ESRRB: variants seen among roughly 807,000 people sequenced by gnomAD.
ESRRB encodes the protein steroid hormone receptor ERR2.
A neutral mutation model predicts 46.0 loss-of-function variants in ESRRB; 16 were observed. The ratio of observed to expected loss-of-function variants is 0.35; its 90% confidence interval spans 0.24 to 0.53. ESRRB has a LOEUF of 0.53. Ranked by LOEUF, ESRRB falls within the 20% of genes least tolerant of loss-of-function variation. The pLI is 0.93. For synonymous variants in ESRRB, 246 were observed against 259.6 expected, an observed-to-expected ratio of 0.95 and a Z score of 0.50; for missense variants, 488 against 607.4, an observed-to-expected ratio of 0.80 and a Z score of 2.07.
At chr14:76,370,366 C>A (rs985552001), upstream of ESRRB, among the ~76,000 whole-genome samples, 13 of 151,944 alleles carry the variant, frequency 8.6e-5, no homozygotes, top group African/African-American at 3.1e-4. Context: ...CCATTGTACT[C>A]CAGTCTGGGC....
intron 1 of ESRRB, among the ~76,000 whole-genome samples, chr14:76,332,579 TA>T (rs374393349): frequency 0.026 from 790 of 30,852 alleles, 50 homozygotes; most frequent in Middle Eastern, 0.094. Context: ...ATTTATATAT[TA>T]TATATTTATA....
intron 2 of ESRRB, among the ~76,000 whole-genome samples, chr14:76,460,249 G>C (rs1332993823): frequency 6.6e-6 from 1 of 152,198 alleles, no homozygotes; most frequent in African/African-American, 2.4e-5. Flanking sequence ...TCAGCACCAG[G>C]CACCTGTCCT....
At chr14:76,326,714 G>A (rs1187428237) in intron 1 of ESRRB, among the ~76,000 whole-genome samples, 10 of 152,210 alleles carry the variant, frequency 6.6e-5, no homozygotes, top group African/African-American at 2.2e-4. Context: ...TTTGGAAGAC[G>A]TTGGGGCTGC....
At chr14:76,365,416 C>G (rs1436543449) in intron 1 of ESRRB, among the ~76,000 whole-genome samples, 1 of 152,214 alleles carries the variant, frequency 6.6e-6, no homozygotes, top group East Asian at 1.9e-4. Context: ...GAGATTAAGG[C>G]TCCAGTGAGA....
intron 1 of ESRRB, among the ~76,000 whole-genome samples, chr14:76,315,620 T>G (rs1403326327): frequency 2.6e-5 from 4 of 152,230 alleles, no homozygotes; most frequent in African/African-American, 7.2e-5. Context: ...CAATAGGTGT[T>G]GACACTTTTA....
chr14:76,467,636 T>C (rs1889175167), intron 3 of ESRRB, among the ~76,000 whole-genome samples: 1 of 152,098 alleles, frequency 6.6e-6, no homozygotes, highest in African/African-American at 2.4e-5. Flanking sequence ...TTCCTAGATT[T>C]GTTGGTGGGA....
chr14:76,342,797 G>C (rs1317174364), intron 1 of ESRRB, among the ~76,000 whole-genome samples: 1 of 152,170 alleles, frequency 6.6e-6, no homozygotes, highest in Non-Finnish European at 1.5e-5. Flanking sequence ...TGTTTGTTTA[G>C]AAAATTCTTG....
In ESRRB at chr14:76,499,877, G is replaced by A. The variant is rs1230757908; in HGVS notation, c.*1419G>A. The A allele has an allele frequency of 1.2e-6, 2 of 1,614,218 alleles. No homozygotes were observed. The highest frequency in any genetic ancestry group is 2.2e-5 in the East Asian group (1 of 44,878). ...TGTGCTCACAGGTTGGCCAAGAGCA[G>A]CTTAGAGGATCTCCCAAGGATGAAA... On this transcript the variant is annotated 3_prime_UTR_variant, in exon 7 of 7. Coordinates refer to ENST00000644823, the MANE Select transcript of ESRRB (RefSeq NM_001379180.1).
rs762965573 is a variant in ESRRB at position 76,500,055 on chromosome 14, C to T, written c.*1597C>T. 1 of 1,551,120 alleles carries T rather than the reference C, an allele frequency of 6.4e-7. No individual in the cohort carries two copies. Among genetic ancestry groups the T allele is most frequent in the Non-Finnish European group, 8.7e-7 (1 of 1,146,112 alleles). ...GCAGATCTCACCCAGCACTAGGACA[C>T]CAGGAGGCCAGGTAACTTTCTGCAG... On this transcript the variant is annotated 3_prime_UTR_variant, in exon 7 of 7. Transcript: ENST00000644823.
chr14:76,434,659 CA>C (rs397964458), intron 1 of ESRRB, among the ~76,000 whole-genome samples: 78 of 127,052 alleles, frequency 6.1e-4, no homozygotes, highest in Admixed American at 6.5e-4. Context: ...GACTCTGTCT[CA>C]AAAAAAAAAA....
chr14:76,382,713 G>T (rs1011053579), intron 1 of ESRRB, among the ~76,000 whole-genome samples: 2 of 152,176 alleles, frequency 1.3e-5, no homozygotes, highest in Non-Finnish European at 2.9e-5. Flanking sequence ...ATTCAGAATT[G>T]TCTGAGTTTG....
rs553463131 is a variant in ESRRB at position 76,419,069 on chromosome 14, C to T, written c.51-20272C>T. ...TCACTCTGTCACCCTGCCTGGAGTG[C>T]GATGGCACGATCTCGGCTCACTACA... On this transcript the variant is annotated intron_variant, in intron 1 of 6. Transcript: ENST00000644823. 7.2e-5 allele frequency among the ~76,000 whole-genome samples: 11 copies of T among 151,778 alleles called. 1 individual carries two copies. In the South Asian group the frequency reaches 1.5e-3, roughly 20 times the overall value.
intron 1 of ESRRB, among the ~76,000 whole-genome samples, chr14:76,391,663 G>A (rs138117897): frequency 1.7e-3 from 264 of 152,338 alleles, no homozygotes; most frequent in Admixed American, 7.0e-3. Context: ...GTTCTGATTC[G>A]TCTGCAGCAC....
chr14:76,456,488 G>T (rs1425606330), intron 2 of ESRRB, among the ~76,000 whole-genome samples: 2 of 152,212 alleles, frequency 1.3e-5, no homozygotes, highest in Non-Finnish European at 2.9e-5. Context: ...GTGGAACTAG[G>T]ACTGTTGCAG....
At chr14:76,385,879 T>C (rs1885207162) in intron 1 of ESRRB, among the ~76,000 whole-genome samples, 1 of 152,210 alleles carries the variant, frequency 6.6e-6, no homozygotes, top group South Asian at 2.1e-4. Flanking sequence ...AAATTAGATG[T>C]GTAGATTCTC....
chr14:76,343,430 A>G (rs1452768884), intron 1 of ESRRB, among the ~76,000 whole-genome samples: 1 of 152,260 alleles, frequency 6.6e-6, no homozygotes, highest in Non-Finnish European at 1.5e-5. Context: ...GTCTTAAAAT[A>G]TCAACAATCC....
intron 1 of ESRRB, among the ~76,000 whole-genome samples, chr14:76,386,651 G>C (rs1206581063): frequency 2.6e-5 from 4 of 151,650 alleles, no homozygotes; most frequent in Non-Finnish European, 5.9e-5. Flanking sequence ...TAGTAGAGAC[G>C]GGGTTTCACC....
exon 1 of ESRRB, chr14:76,310,885 C>G (rs1019727504): frequency 4.4e-6 from 2 of 454,892 alleles, no homozygotes; most frequent in African/African-American, 4.0e-5. Context: ...CACCCCAGCC[C>G]AGTCCTCGTC....
chr14:76,398,003 G>A (rs1885770810), intron 1 of ESRRB, among the ~76,000 whole-genome samples: 1 of 152,224 alleles, frequency 6.6e-6, no homozygotes, highest in Admixed American at 6.5e-5. Context: ...AACAGAGGAT[G>A]GGCACATGCA....
Sources: gnomAD v4.1 joint callset for allele counts (sites outside exome capture counted in the v4.1 genomes callset) on GRCh38, gnomAD v4.1.1 for gene constraint, MANE v1.5 for transcripts, NCBI Gene and HGNC (gene_info 2026-07-23, HGNC 2026-07-21) for gene names.